The following CD36 variants were observed in gnomAD, a reference collection of about 807,000 sequenced individuals.
The protein encoded by CD36 is CD36 molecule (CD36 blood group).
In CD36, 119 loss-of-function variants were observed where a neutral mutation model predicts 55.2. The ratio of observed to expected loss-of-function variants is 2.15; its 90% CI spans 1.86 to 2.51. The LOEUF is 2.51. CD36 is among the 30% of genes most tolerant of loss of function. The pLI is 0.00. For missense variants in CD36, 819 were observed against 555.5 expected (o/e 1.47, Z -4.77); for synonymous variants, 186 against 193.6 (o/e 0.96, Z 0.33).
intron 8 of CD36, 66 bp downstream of exon 8, chr7:80,666,555 T>C: frequency 1.7e-6 from 2 of 1,190,112 alleles, no homozygotes; most frequent in East Asian, 2.3e-5. Flanking sequence ...TCCACCGTTG[T>C]ACTGACAGTG....
At chr7:80,663,232 G>A (rs2116699455) in intron 6 of CD36, 63 bp downstream of exon 6, 3 of 1,356,968 alleles carry the variant, frequency 2.2e-6, no homozygotes, top group Non-Finnish European at 3.2e-6. Context: ...AATGGCATTG[G>A]CAAGGCATAA....
intron 7 of CD36, among the ~76,000 whole-genome samples, chr7:80,665,369 C>A (rs989495374): frequency 8.6e-6 from 1 of 116,320 alleles, no homozygotes; most frequent in African/African-American, 2.6e-5. Flanking sequence ...GTGATCAAAA[C>A]CAAAAGAGAT....
At chr7:80,614,158 G>A (rs1332877772) in intron 1 of CD36, among the ~76,000 whole-genome samples, 1 of 152,028 alleles carries the variant, frequency 6.6e-6, no homozygotes, top group Admixed American at 6.6e-5. Flanking sequence ...TAAACTACTT[G>A]TATAAATTAT....
intron 4 of CD36, among the ~76,000 whole-genome samples, chr7:80,660,626 C>T (rs895987155): frequency 1.3e-5 from 2 of 152,188 alleles, no homozygotes; most frequent in African/African-American, 4.8e-5. Flanking sequence ...CAACCACACT[C>T]AAATATCTGC....
chr7:80,615,331 A>G (rs879635804), intron 1 of CD36, among the ~76,000 whole-genome samples: 17 of 152,286 alleles, frequency 1.1e-4, no homozygotes, highest in South Asian at 2.1e-4. Flanking sequence ...ATAAAGTTCA[A>G]TCTCCTTAGA....
chr7:80,629,131 A>T (rs889316232), intron 1 of CD36, among the ~76,000 whole-genome samples: 1 of 152,054 alleles, frequency 6.6e-6, no homozygotes, highest in African/African-American at 2.4e-5. Context: ...GTTTGCCCAC[A>T]GAATTGAAAA....
upstream of CD36, among the ~76,000 whole-genome samples, chr7:80,635,158 G>A (rs1794312850): frequency 6.6e-6 from 1 of 152,118 alleles, no homozygotes; most frequent in Non-Finnish European, 1.5e-5. Flanking sequence ...ATTGGGGATT[G>A]AGGCCTCTCA....
At chr7:80,647,489 T>C (rs1408982646) in intron 3 of CD36, among the ~76,000 whole-genome samples, 2 of 152,138 alleles carry the variant, frequency 1.3e-5, no homozygotes, top group African/African-American at 2.4e-5. Flanking sequence ...AAATTGACTG[T>C]AGTGTGAAAA....
At chr7:80,655,086 G>T (rs569554338) in intron 3 of CD36, among the ~76,000 whole-genome samples, 5 of 151,960 alleles carry the variant, frequency 3.3e-5, no homozygotes, top group Non-Finnish European at 5.9e-5. Context: ...CTGTGAAGTG[G>T]TGCTTCCAGG....
intron 11 of CD36, 76 bp from the exon 12 acceptor site, chr7:80,672,694 G>T: frequency 1.0e-6 from 1 of 1,000,526 alleles, no homozygotes; most frequent in South Asian, 1.4e-5. Flanking sequence ...CTCTTCTGCT[G>T]TAAGAAAAAT....
intron 1 of CD36, among the ~76,000 whole-genome samples, chr7:80,613,059 G>A (rs1792961435): frequency 6.6e-6 from 1 of 152,018 alleles, no homozygotes; most frequent in Non-Finnish European, 1.5e-5. Context: ...TAAATCTGTA[G>A]AGGAAGTAGT....
At chr7:80,670,277 C>A in intron 9 of CD36, 1 of 468,432 alleles carries the variant, frequency 2.1e-6, no homozygotes, top group South Asian at 2.2e-5. Flanking sequence ...GAAGGGCGTG[C>A]CCAATCTTTC....
chr7:80,656,801 AT>A (rs1796127401), intron 4 of CD36, 101 bp downstream of exon 4: 2 of 1,047,880 alleles, frequency 1.9e-6, no homozygotes, highest in Admixed American at 3.9e-5. Context: ...TGTACTTATT[AT>A]TTTCTTGCCA....
intron 1 of CD36, among the ~76,000 whole-genome samples, chr7:80,630,972 C>A (rs896247854): frequency 2.0e-5 from 3 of 151,994 alleles, no homozygotes; most frequent in African/African-American, 7.2e-5. Flanking sequence ...TGAACTGGGG[C>A]ACTGTAGAAT....
chr7:80,604,583 A>T (rs1483403516), intron 1 of CD36, among the ~76,000 whole-genome samples: 1 of 151,428 alleles, frequency 6.6e-6, no homozygotes, highest in African/African-American at 2.4e-5. Flanking sequence ...TCACACAAAC[A>T]CTATAGTACA....
chr7:80,610,933 T>G (rs1010636027), intron 1 of CD36, among the ~76,000 whole-genome samples: 2 of 151,990 alleles, frequency 1.3e-5, no homozygotes, highest in Non-Finnish European at 2.9e-5. Context: ...TGGAGTGCAG[T>G]GGCACAATCA....
Position 80,661,204 on chromosome 7 carries a change from T to A in CD36, c.423T>A (p.Ala141=), listed in dbSNP as rs1796501897. Residue 141 remains alanine (A), a synonymous_variant, in exon 5 of 15, where the codon GCT becomes GCA. Transcript: ENST00000447544. ...EADNFTVLNL[A]VAAASHIYQN... is the part of the protein sequence containing the mutation. ...ACAACTTCACAGTTCTCAATCTGGC[T>A]GTGGCAGTGAGTAGACAAACAACAA... The A allele has an allele frequency of 6.2e-7, 1 of 1,613,870 alleles. No homozygotes were observed. Among genetic ancestry groups the A allele is most frequent in the Non-Finnish European group, 8.5e-7 (1 of 1,179,890 alleles).
At chr7:80,654,835 A>G (rs1300458592) in intron 3 of CD36, among the ~76,000 whole-genome samples, 1 of 151,756 alleles carries the variant, frequency 6.6e-6, no homozygotes, top group Non-Finnish European at 1.5e-5. Context: ...TCATGAAGAT[A>G]TGAAACTTAA....
intron 14 of CD36, chr7:80,676,071 A>G (rs1798152681): frequency 6.6e-6 from 1 of 152,150 alleles, no homozygotes; most frequent in Admixed American, 6.6e-5. Flanking sequence ...CTGATTAATA[A>G]AAAGTATGAT....
Sources: gnomAD v4.1 joint callset for allele counts (sites outside exome capture counted in the v4.1 genomes callset) on GRCh38, gnomAD v4.1.1 for gene constraint, MANE v1.5 for transcripts, NCBI Gene and HGNC (gene_info 2026-07-23, HGNC 2026-07-21) for gene names.